Variants in RCL1 observed in about 807,000 individuals in gnomAD.
The protein encoded by RCL1 is RNA 3'-terminal phosphate cyclase-like protein.
In RCL1, 24 loss-of-function variants were observed where a neutral mutation model predicts 42.4. That is an observed-to-expected ratio of 0.57 (90% CI 0.41 to 0.80). The LOEUF is 0.80. RCL1 is among the 30% of genes least tolerant of loss of function. The probability of loss-of-function intolerance (pLI) is 0.00; values close to 1 mark genes in which losing one functional copy is unlikely to be tolerated. For missense variants in RCL1, 578 were observed against 467.9 expected, an observed-to-expected ratio of 1.24 and a Z score of -2.17; for synonymous variants, 228 against 177.3, an observed-to-expected ratio of 1.29 and a Z score of -2.27.
At chr9:4,836,743 G>A (rs1330104942) in intron 5 of RCL1, 1 of 152,400 alleles carries the variant, frequency 6.6e-6, no homozygotes, top group East Asian at 1.9e-4. Context: ...TGTCTTTTCA[G>A]AGGCCTCGAA....
intron 8 of RCL1, among the ~76,000 whole-genome samples, chr9:4,855,278 A>G (rs1275228972): frequency 6.6e-6 from 1 of 151,930 alleles, no homozygotes; most frequent in Non-Finnish European, 1.5e-5. Flanking sequence ...CCTACTGCCT[A>G]GAATGGTTCT....
intron 3 of RCL1, 26 bp downstream of exon 3, chr9:4,827,059 GT>G (rs937459929): frequency 1.2e-6 from 2 of 1,614,064 alleles, no homozygotes; most frequent in African/African-American, 2.7e-5. Context: ...AAACCGTGGT[GT>G]GGTTTTTGTT....
intron 3 of RCL1, among the ~76,000 whole-genome samples, chr9:4,829,091 C>T (rs923728463): frequency 6.6e-6 from 1 of 152,108 alleles, no homozygotes; most frequent in African/African-American, 2.4e-5. Context: ...CTCCTAGTCT[C>T]GTGGGGTGGA....
intron 1 of RCL1, among the ~76,000 whole-genome samples, chr9:4,818,716 A>G (rs927168810): frequency 1.3e-5 from 2 of 152,006 alleles, no homozygotes; most frequent in African/African-American, 4.8e-5. Flanking sequence ...CCCTGTCTCT[A>G]CTAAAAATAG....
At chr9:4,815,173 G>T (rs1816326725) in intron 1 of RCL1, among the ~76,000 whole-genome samples, 1 of 152,130 alleles carries the variant, frequency 6.6e-6, no homozygotes, top group Non-Finnish European at 1.5e-5. Flanking sequence ...AGCCTTGGGA[G>T]CTTTTCACCT....
intron 1 of RCL1, among the ~76,000 whole-genome samples, chr9:4,806,017 G>GGTGTGTGT (rs58494209): frequency 0.018 from 2,615 of 142,672 alleles, 38 homozygotes; most frequent in East Asian, 0.035. Context: ...ATACCATTGG[G>GGTGTGTGT]GTGTGTGTGT....
chr9:4,824,321 C>G (rs1174952426), intron 2 of RCL1, among the ~76,000 whole-genome samples: 1 of 151,322 alleles, frequency 6.6e-6, no homozygotes, highest in African/African-American at 2.4e-5. Flanking sequence ...TGGACATTTG[C>G]ATAATTCAGA....
chr9:4,844,365 C>G (rs544240106), intron 6 of RCL1, among the ~76,000 whole-genome samples, 160 bp from the exon 7 acceptor site: 1 of 152,250 alleles, frequency 6.6e-6, no homozygotes, highest in African/African-American at 2.4e-5. Context: ...TTCTGGTCAG[C>G]TAGTAAACTA....
chr9:4,806,417 G>C (rs929433583), intron 1 of RCL1, among the ~76,000 whole-genome samples: 1 of 152,110 alleles, frequency 6.6e-6, no homozygotes, highest in African/African-American at 2.4e-5. Context: ...GTTTTTCTAA[G>C]TGTCTTTTTA....
intron 6 of RCL1, 139 bp downstream of exon 6, chr9:4,841,496 C>G (rs117125693): frequency 1.4e-6 from 1 of 705,424 alleles, no homozygotes; most frequent in East Asian, 2.6e-5. Flanking sequence ...GCCTTATTGC[C>G]GTTGTCACCA....
At chr9:4,858,418 G>A (rs1016025282) in intron 8 of RCL1, among the ~76,000 whole-genome samples, 13 of 152,166 alleles carry the variant, frequency 8.5e-5, no homozygotes, top group Admixed American at 3.9e-4. Flanking sequence ...TTTAAGAAAT[G>A]GTTAAGAAAC....
chr9:4,819,882 T>G (rs1563838010), intron 1 of RCL1, among the ~76,000 whole-genome samples: 1 of 152,228 alleles, frequency 6.6e-6, no homozygotes, highest in Non-Finnish European at 1.5e-5. Flanking sequence ...CAACTACACT[T>G]GTGCCCACCA....
intron 1 of RCL1, among the ~76,000 whole-genome samples, chr9:4,800,812 C>T (rs998482933): frequency 1.3e-5 from 2 of 151,952 alleles, no homozygotes; most frequent in African/African-American, 2.4e-5. Context: ...ACCACCACAC[C>T]TGGCTAATTT....
chr9:4,806,625 C>CATAT (rs1289451943), intron 1 of RCL1, among the ~76,000 whole-genome samples: 3 of 149,178 alleles, frequency 2.0e-5, no homozygotes, highest in African/African-American at 7.7e-5. Flanking sequence ...CACACACACA[C>CATAT]ACACACACAT....
rs71326142 is a variant in RCL1, at chr9:4,827,731, AGTGTGT to A, written c.384+718_384+723del. Among the ~76,000 whole-genome samples the A allele has an allele frequency of 2.9e-3, 425 of 147,532 alleles. 2 individuals carry two copies. Among genetic ancestry groups the A allele is most frequent in the South Asian group, 0.024 (110 of 4,570 alleles). ...CTGTCTTAATGCCATTCTAGGATGA[AGTGTGT>A]GTGTGTGTGTGTGTGTGTGCACGCG... On this transcript the variant is annotated intron_variant, in intron 3 of 8. Transcript: ENST00000381750.
intron 1 of RCL1, among the ~76,000 whole-genome samples, chr9:4,801,527 G>C (rs1434022745): frequency 6.6e-6 from 1 of 152,140 alleles, no homozygotes; most frequent in Non-Finnish European, 1.5e-5. Flanking sequence ...TCTTTTGGCA[G>C]ATTTGTAGTT....
chr9:4,832,421 G>A (rs79460196), intron 3 of RCL1, among the ~76,000 whole-genome samples: 1,789 of 152,204 alleles, frequency 0.012, 39 homozygotes, highest in African/African-American at 0.041. Context: ...GCTTTGACTC[G>A]GAATGCTACC....
At chr9:4,820,935 A>T (rs1467554860) in intron 1 of RCL1, among the ~76,000 whole-genome samples, 1 of 152,234 alleles carries the variant, frequency 6.6e-6, no homozygotes, top group Admixed American at 6.5e-5. Context: ...TCCTTAGTAT[A>T]TACAGTTATT....
At chr9:4,857,855 T>A (rs1474538920) in intron 8 of RCL1, among the ~76,000 whole-genome samples, 1 of 151,716 alleles carries the variant, frequency 6.6e-6, no homozygotes, top group Non-Finnish European at 1.5e-5. Flanking sequence ...TTCACTTCCC[T>A]AATAACCAGT....
Sources: gnomAD v4.1 joint callset for allele counts (sites outside exome capture counted in the v4.1 genomes callset) on GRCh38, gnomAD v4.1.1 for gene constraint, MANE v1.5 for transcripts, NCBI Gene and HGNC (gene_info 2026-07-23, HGNC 2026-07-21) for gene names.